Variants in LINGO2 observed in about 807,000 individuals in gnomAD.
The protein encoded by LINGO2 is leucine rich repeat and Ig domain containing 2, also known as leucine-rich repeat and immunoglobulin-like domain-containing nogo receptor-interacting protein 2.
In LINGO2, 14 loss-of-function variants were observed where a neutral mutation model predicts 30.6. The observed-to-expected ratio is 0.46, with a 90% CI of 0.30 to 0.72. The LOEUF (loss-of-function observed/expected upper bound fraction) is 0.72, where lower values mean the gene tolerates loss of function less well. Ranked by LOEUF, LINGO2 falls within the 30% of genes least tolerant of loss-of-function variation. The pLI, the probability that LINGO2 is intolerant of heterozygous loss-of-function variation, is 0.07. For synonymous variants in LINGO2, 317 were observed against 288.5 expected (o/e 1.10, Z -1.00); for missense variants, 729 against 751.7 (o/e 0.97, Z 0.35).
intron 1 of LINGO2, among the ~76,000 whole-genome samples, chr9:28,607,918 G>A (rs1401219723): frequency 2.0e-5 from 3 of 152,048 alleles, no homozygotes; most frequent in Non-Finnish European, 4.4e-5. Context: ...AACAACTGGT[G>A]CTGCCTAGAA....
At chr9:29,157,856 C>G in the LINGO2 span, among the ~76,000 whole-genome samples, 1 of 152,096 alleles carries the variant, frequency 6.6e-6, no homozygotes, top group Non-Finnish European at 1.5e-5. Flanking sequence ...TTGACCTCCT[C>G]ATGAAACAGT....
At chr9:29,136,107 T>G in the LINGO2 span, among the ~76,000 whole-genome samples, 9 of 152,186 alleles carry the variant, frequency 5.9e-5, no homozygotes, top group African/African-American at 2.2e-4. Context: ...TGGCTGACAC[T>G]TTCTTTCACT....
chr9:28,413,055 GCTTA>G (rs1226280795), intron 2 of LINGO2, among the ~76,000 whole-genome samples: 6 of 151,764 alleles, frequency 4.0e-5, no homozygotes, highest in South Asian at 2.1e-4. Context: ...CTTTTTTCTT[GCTTA>G]CTTTATTGTA....
chr9:28,494,765 T>C (rs566015265), intron 1 of LINGO2, among the ~76,000 whole-genome samples: 120 of 152,352 alleles, frequency 7.9e-4, no homozygotes, highest in African/African-American at 2.7e-3. Context: ...ATAGTATTTC[T>C]AGTTCTAGAT....
Position 28,475,870 on chromosome 9 carries a change from T to G in LINGO2, c.-279+70A>C, listed in dbSNP as rs58384991. The stretch of plus-strand genomic sequence containing the variant: ...AAGCTTTCTCATTTTATTTATAAAC[T>G]ATGCAGACTTTTTGCATAAGACACA... On this transcript the variant is annotated intron_variant, in intron 2 of 5. Transcript: ENST00000379992. 303 of 152,750 alleles carry G rather than the reference T, an allele frequency of 2.0e-3. 2 individuals carry two copies. The highest frequency in any genetic ancestry group is 7.0e-3 in the African/African-American group (290 of 41,566). The allele number at this position is 152,750 out of a possible 1,614,324, so 9.5% of individuals were successfully genotyped here.
At chr9:28,322,147 C>G in intron 3 of LINGO2, among the ~76,000 whole-genome samples, 1 of 152,092 alleles carries the variant, frequency 6.6e-6, no homozygotes, top group East Asian at 1.9e-4. Context: ...TTAGACACAT[C>G]AAGTTCATAC....
At chr9:28,846,388 T>TAAATAAATTAA in the LINGO2 span, among the ~76,000 whole-genome samples, 2 of 149,564 alleles carry the variant, frequency 1.3e-5, no homozygotes, top group Non-Finnish European at 3.0e-5. Context: ...TTTAGAATGC[T>TAAATAAATTAA]TTTGCCATAA....
chr9:28,184,807 T>C (rs533340516), intron 4 of LINGO2, among the ~76,000 whole-genome samples: 1 of 152,236 alleles, frequency 6.6e-6, no homozygotes, highest in South Asian at 2.1e-4. Flanking sequence ...CTAAAATAAC[T>C]GCACCCCTAT....
At chr9:28,286,994 C>G (rs543215107) in intron 4 of LINGO2, among the ~76,000 whole-genome samples, 1 of 152,240 alleles carries the variant, frequency 6.6e-6, no homozygotes, top group South Asian at 2.1e-4. Context: ...GATGTTAGCA[C>G]AGGTTTAGAT....
At chr9:28,171,178 C>T (rs1372736351) in intron 4 of LINGO2, among the ~76,000 whole-genome samples, 1 of 152,048 alleles carries the variant, frequency 6.6e-6, no homozygotes, top group African/African-American at 2.4e-5. Flanking sequence ...ATAATCTCTA[C>T]CACAATAAAT....
chr9:28,795,443 T>C, the LINGO2 span, among the ~76,000 whole-genome samples: 1 of 152,050 alleles, frequency 6.6e-6, no homozygotes, highest in African/African-American at 2.4e-5. Context: ...ACAAAAATAA[T>C]AATTATTACA....
intron 1 of LINGO2, among the ~76,000 whole-genome samples, chr9:28,663,704 G>C (rs1828676169): frequency 6.6e-6 from 1 of 151,820 alleles, no homozygotes; most frequent in Non-Finnish European, 1.5e-5. Flanking sequence ...AATATATATG[G>C]GTATATAAAG....
At chr9:29,031,688 T>A in the LINGO2 span, among the ~76,000 whole-genome samples, 1 of 152,198 alleles carries the variant, frequency 6.6e-6, no homozygotes, top group African/African-American at 2.4e-5. Context: ...TTCCTTCATA[T>A]ATTCCTTTAT....
At chr9:28,246,800 G>A (rs138709940) in intron 4 of LINGO2, among the ~76,000 whole-genome samples, 7 of 152,112 alleles carry the variant, frequency 4.6e-5, no homozygotes, top group East Asian at 3.9e-4. Context: ...AGAAACTATC[G>A]TTAGATTGAA....
intron 4 of LINGO2, among the ~76,000 whole-genome samples, chr9:28,029,048 AGT>A (rs1823531604): frequency 6.6e-6 from 1 of 152,174 alleles, no homozygotes; most frequent in Admixed American, 6.5e-5. Flanking sequence ...GCTAGATGAG[AGT>A]GAGTATATAA....
At chr9:28,128,093 G>C (rs181648051) in intron 4 of LINGO2, among the ~76,000 whole-genome samples, 16 of 152,178 alleles carry the variant, frequency 1.1e-4, no homozygotes, top group Admixed American at 3.3e-4. Flanking sequence ...TAAAAGTCAG[G>C]CTTGCTTAAT....
the LINGO2 span, among the ~76,000 whole-genome samples, chr9:28,976,777 T>TA: frequency 5.9e-4 from 87 of 147,224 alleles, no homozygotes; most frequent in East Asian, 2.4e-3. Context: ...CCTGCATCAT[T>TA]AAAAAAAAAA....
intron 2 of LINGO2, among the ~76,000 whole-genome samples, chr9:28,383,243 A>G (rs925701927): frequency 7.5e-6 from 1 of 132,898 alleles, no homozygotes; most frequent in Non-Finnish European, 1.6e-5. Context: ...AACACTATAG[A>G]TCACCATTCA....
chr9:28,584,656 T>G (rs1824440551), intron 1 of LINGO2, among the ~76,000 whole-genome samples: 1 of 152,062 alleles, frequency 6.6e-6, no homozygotes, highest in Non-Finnish European at 1.5e-5. Flanking sequence ...CGATGACTAA[T>G]TCTTATAATA....
Sources: gnomAD v4.1 joint callset for allele counts (sites outside exome capture counted in the v4.1 genomes callset) on GRCh38, gnomAD v4.1.1 for gene constraint, MANE v1.5 for transcripts, NCBI Gene and HGNC (gene_info 2026-07-23, HGNC 2026-07-21) for gene names.